The following SND1 variants were observed in gnomAD, a reference collection of about 807,000 sequenced individuals.
SND1 encodes the protein staphylococcal nuclease and tudor domain containing 1.
SND1 carries 38 observed loss-of-function variants against 121.7 expected under a neutral mutation model. That is an observed-to-expected ratio of 0.31 (90% CI 0.24 to 0.41). The LOEUF is 0.41. Among genes scored for constraint, SND1 ranks in the 10% least tolerant of loss-of-function variants. The pLI is 1.00. For missense variants in SND1, 868 were observed against 1,184.6 expected, an observed-to-expected ratio of 0.73 and a Z score of 3.92; for synonymous variants, 401 against 447.4, an observed-to-expected ratio of 0.90 and a Z score of 1.31.
rs1554443863 is a variant in SND1, at chr7:127,926,720, T to TTGTTGTTGTTG, written c.1528-2467_1528-2466insGTTGTTGTTGT. Among the ~76,000 whole-genome samples, 195 of 142,852 alleles carry TTGTTGTTGTTG rather than the reference T, an allele frequency of 1.4e-3. 2 individuals are homozygous for TTGTTGTTGTTG. Among genetic ancestry groups the TTGTTGTTGTTG allele is most frequent in the Non-Finnish European group, 1.8e-3 (122 of 66,258 alleles). The allele number at this position is 142,852 out of a possible 152,430, so 93.7% of individuals were successfully genotyped here. A position where few individuals can be genotyped will look rare whatever the true frequency, so the allele number is the denominator to read the frequency against. On this transcript the variant is annotated intron_variant, in intron 14 of 23. Coordinates refer to ENST00000354725, the MANE Select transcript of SND1 (RefSeq NM_014390.4). Reference sequence around the variant, plus strand: ...GGTGCCCACCACCACACCCGGCTATTTTGTTGTTGTTGTTGTTGTTGTTGT... The same window carrying TTGTTGTTGTTG: ...GGTGCCCACCACCACACCCGGCTATTTGTTGTTGTTGTTGTTGTTGTTGTTGTTGTTGTTGT...
At chr7:128,040,730 T>C (rs946101002) in intron 16 of SND1, among the ~76,000 whole-genome samples, 3 of 152,246 alleles carry the variant, frequency 2.0e-5, no homozygotes, top group Non-Finnish European at 4.4e-5. Context: ...TTTTCTGGGT[T>C]TCTTCTTGTA....
intron 15 of SND1, among the ~76,000 whole-genome samples, chr7:127,952,641 T>C (rs954315461): frequency 3.3e-5 from 5 of 152,220 alleles, no homozygotes; most frequent in African/African-American, 1.2e-4. Flanking sequence ...TTGCTTTAGC[T>C]TTCTGTGCTT....
intron 8 of SND1, 125 bp downstream of exon 8, chr7:127,705,070 C>A: frequency 2.6e-6 from 2 of 759,284 alleles, no homozygotes; most frequent in Non-Finnish European, 4.6e-6. Flanking sequence ...AGGAGTAGGG[C>A]AGTTCCTTAT....
intron 2 of SND1, among the ~76,000 whole-genome samples, chr7:127,692,266 C>T (rs1490580133): frequency 1.3e-5 from 2 of 152,136 alleles, no homozygotes; most frequent in Admixed American, 1.3e-4. Flanking sequence ...TTTCTTGGGT[C>T]TGGAAGTTCT....
intron 11 of SND1, among the ~76,000 whole-genome samples, chr7:127,821,012 G>T (rs1292095488): frequency 1.3e-5 from 2 of 152,198 alleles, no homozygotes; most frequent in African/African-American, 4.8e-5. Context: ...GTTTTTGCTT[G>T]ATGGTTCCAG....
At chr7:128,064,794 G>A (rs917778369) in intron 16 of SND1, among the ~76,000 whole-genome samples, 13 of 152,142 alleles carry the variant, frequency 8.5e-5, no homozygotes, top group South Asian at 4.1e-4. Context: ...AGAAAGCAGG[G>A]AGAAAAAGCC....
At chr7:128,039,831 T>G (rs754381536) in intron 16 of SND1, among the ~76,000 whole-genome samples, 1 of 152,214 alleles carries the variant, frequency 6.6e-6, no homozygotes, top group Non-Finnish European at 1.5e-5. Flanking sequence ...CCAACGCTTT[T>G]TGCTAATTAA....
At chr7:127,771,147 A>T (rs981762333) in intron 10 of SND1, among the ~76,000 whole-genome samples, 19 of 152,162 alleles carry the variant, frequency 1.2e-4, no homozygotes, top group African/African-American at 4.1e-4. Context: ...TTGTCACAGG[A>T]TCATACATCA....
At chr7:127,665,994 G>A (rs1267999656) in intron 1 of SND1, among the ~76,000 whole-genome samples, 1 of 152,210 alleles carries the variant, frequency 6.6e-6, no homozygotes, top group Non-Finnish European at 1.5e-5. Flanking sequence ...ATTATTGTGT[G>A]TGGTAATTAC....
intron 16 of SND1, among the ~76,000 whole-genome samples, chr7:128,025,022 TC>T (rs1342176853): frequency 6.6e-6 from 1 of 152,156 alleles, no homozygotes; most frequent in African/African-American, 2.4e-5. Flanking sequence ...CTTCACTCCT[TC>T]CCCTTAGCTG....
At chr7:127,848,124 T>C (rs1316541488) in intron 12 of SND1, among the ~76,000 whole-genome samples, 1 of 152,230 alleles carries the variant, frequency 6.6e-6, no homozygotes, top group Non-Finnish European at 1.5e-5. Context: ...AACCTTTTTC[T>C]GTTGCACATG....
At chr7:128,030,958 T>C in intron 16 of SND1, 1 of 213,874 alleles carries the variant, frequency 4.7e-6, no homozygotes. Flanking sequence ...CCTTAAGCTT[T>C]CTCCACGGGA....
intron 11 of SND1, among the ~76,000 whole-genome samples, chr7:127,807,792 A>G (rs568006496): frequency 2.2e-4 from 33 of 152,322 alleles, no homozygotes; most frequent in South Asian, 4.1e-4. Flanking sequence ...TTGATTGCCA[A>G]TAGTCTCACA....
intron 16 of SND1, among the ~76,000 whole-genome samples, chr7:127,995,583 C>G (rs1802628230): frequency 6.6e-6 from 1 of 152,218 alleles, no homozygotes; most frequent in Non-Finnish European, 1.5e-5. Flanking sequence ...CCTTGGCATT[C>G]CTGTCTAAAA....
intron 10 of SND1, among the ~76,000 whole-genome samples, chr7:127,784,475 T>A (rs1239414771): frequency 6.6e-6 from 1 of 152,150 alleles, no homozygotes; most frequent in Non-Finnish European, 1.5e-5. Flanking sequence ...GAAGTACCTC[T>A]CCCCTCTCCT....
At chr7:128,026,411 G>C (rs1170103543) in intron 16 of SND1, among the ~76,000 whole-genome samples, 3 of 152,180 alleles carry the variant, frequency 2.0e-5, no homozygotes, top group Non-Finnish European at 1.5e-5. Flanking sequence ...CTGCTGCAAA[G>C]TGCTGCCTGC....
At chr7:127,935,030 A>G (rs1321940102) in intron 15 of SND1, among the ~76,000 whole-genome samples, 3 of 152,336 alleles carry the variant, frequency 2.0e-5, no homozygotes, top group South Asian at 2.1e-4. Context: ...CAGAGTTTAC[A>G]TAAAACATCA....
intron 2 of SND1, among the ~76,000 whole-genome samples, chr7:127,692,990 A>G (rs1451443120): frequency 6.6e-6 from 1 of 152,252 alleles, no homozygotes; most frequent in East Asian, 1.9e-4. Flanking sequence ...TGTTTTCACC[A>G]AAGTCTTGGC....
intron 11 of SND1, among the ~76,000 whole-genome samples, chr7:127,825,839 G>A (rs1167246170): frequency 6.6e-6 from 1 of 152,168 alleles, no homozygotes; most frequent in African/African-American, 2.4e-5. Context: ...TAACATTTTG[G>A]TGTATTTTCT....
Sources: allele counts gnomAD v4.1 joint callset (sites outside exome capture counted in the v4.1 genomes callset), GRCh38; gene constraint gnomAD v4.1.1; transcripts MANE v1.5; gene names NCBI Gene and HGNC (gene_info 2026-07-23, HGNC 2026-07-21).